Variants in C3orf70 observed in about 807,000 individuals in gnomAD.
C3orf70 encodes the protein chromosome 3 open reading frame 70.
A neutral mutation model predicts 20.7 loss-of-function variants in C3orf70; 15 were observed. The observed-to-expected ratio is 0.72, with a 90% confidence interval of 0.48 to 1.11. The LOEUF is 1.11. Among genes scored for constraint, C3orf70 ranks in the 50% most tolerant of loss-of-function variants. C3orf70 has a pLI of 0.00. For missense variants in C3orf70, 332 were observed against 317.6 expected, an observed-to-expected ratio of 1.05 and a Z score of -0.34; for synonymous variants, 161 against 125.7, an observed-to-expected ratio of 1.28 and a Z score of -1.88.
intron 1 of C3orf70, among the ~76,000 whole-genome samples, chr3:185,120,035 A>AAAAAGAAAAAG (rs1716264795): frequency 2.0e-5 from 3 of 149,282 alleles, no homozygotes; most frequent in Admixed American, 6.7e-5. Flanking sequence ...AAAAAAAAAA[A>AAAAAGAAAAAG]AAAGAAAAAG....
chr3:185,124,225 G>T (rs1716365212), intron 1 of C3orf70, among the ~76,000 whole-genome samples: 1 of 152,052 alleles, frequency 6.6e-6, no homozygotes, highest in Admixed American at 6.6e-5. Context: ...ATCCACGGGG[G>T]GATCCTGAAA....
intron 1 of C3orf70, among the ~76,000 whole-genome samples, chr3:185,091,959 ATATATTTT>A (rs1561331116): frequency 4.3e-4 from 3 of 7,028 alleles, no homozygotes; most frequent in African/African-American, 7.1e-4. Context: ...ATATATATAT[ATATATTTT>A]TTTTTTTTTT....
rs563579595 is a variant in C3orf70 at position 185,117,334 on chromosome 3, G to GT, written c.197-33772dup. On this transcript the variant is annotated intron_variant, in intron 1 of 1. Transcript: ENST00000335012. ...ATATATTTCCTCCAATTCAGTTATT[G>GT]TAAGATCTGTGAGAAATCTTTAGAA... Among the ~76,000 whole-genome samples the GT allele has an allele frequency of 2.0e-4, 29 of 145,470 alleles. No homozygotes were observed. In the South Asian group the frequency reaches 6.6e-3, roughly 33 times the overall value.
At chr3:185,136,909 AAACAACAAC>A (rs146226983) in intron 1 of C3orf70, among the ~76,000 whole-genome samples, 11,392 of 149,762 alleles carry the variant, frequency 0.076, 1,319 homozygotes, top group African/African-American at 0.25. Context: ...GACTGTCTCA[AAACAACAAC>A]AACAACAACA....
intron 1 of C3orf70, among the ~76,000 whole-genome samples, chr3:185,122,987 C>A (rs1437833677): frequency 6.7e-6 from 1 of 149,274 alleles, no homozygotes; most frequent in African/African-American, 2.5e-5. Flanking sequence ...GAAATCTCAT[C>A]TCTACTAAAA....
At chr3:185,094,141 G>C (rs998035546) in intron 1 of C3orf70, among the ~76,000 whole-genome samples, 3 of 118,510 alleles carry the variant, frequency 2.5e-5, no homozygotes, top group African/African-American at 9.8e-5. Context: ...ACAATGGCAT[G>C]ATCTGGGCTC....
chr3:185,111,104 A>G (rs191261536), intron 1 of C3orf70, among the ~76,000 whole-genome samples: 280 of 152,338 alleles, frequency 1.8e-3, no homozygotes, highest in African/African-American at 6.5e-3. Context: ...ACAAAAAGCA[A>G]CTCACAATGC....
At chr3:185,117,070 C>T (rs1716190448) in intron 1 of C3orf70, among the ~76,000 whole-genome samples, 1 of 152,140 alleles carries the variant, frequency 6.6e-6, no homozygotes, top group African/African-American at 2.4e-5. Context: ...CGTGAGCCAC[C>T]GCGCCCGGCC....
At chr3:185,106,886 T>C (rs1039977280) in intron 1 of C3orf70, among the ~76,000 whole-genome samples, 1 of 152,178 alleles carries the variant, frequency 6.6e-6, no homozygotes, top group African/African-American at 2.4e-5. Flanking sequence ...CAGATTACAA[T>C]GAGGAAATTC....
intron 1 of C3orf70, among the ~76,000 whole-genome samples, chr3:185,095,007 A>C (rs1331214866): frequency 6.6e-6 from 1 of 152,192 alleles, no homozygotes; most frequent in East Asian, 1.9e-4. Flanking sequence ...GGAAAGAGGC[A>C]TAAATAGGGG....
chr3:185,149,391 T>TC (rs745444260), intron 1 of C3orf70, among the ~76,000 whole-genome samples: 25 of 80,444 alleles, frequency 3.1e-4, no homozygotes, highest in Middle Eastern at 9.8e-3. Flanking sequence ...AAACTCTGTC[T>TC]CCCAAAAAAA....
chr3:185,139,646 A>C (rs1716710895), intron 1 of C3orf70, among the ~76,000 whole-genome samples: 1 of 152,166 alleles, frequency 6.6e-6, no homozygotes, highest in African/African-American at 2.4e-5. Context: ...AGAGACATGA[A>C]GACCAGAGGG....
At chr3:185,152,385 T>C (rs1479426534) in intron 1 of C3orf70, among the ~76,000 whole-genome samples, 1 of 152,118 alleles carries the variant, frequency 6.6e-6, no homozygotes, top group Non-Finnish European at 1.5e-5. Flanking sequence ...TTTGTAGAAG[T>C]AGCTAAAGAA....
In C3orf70 at chr3:185,077,789, T is replaced by TGGTGG. The variant is rs1553918668; in HGVS notation, c.*5217_*5218insCCACC. Among the ~76,000 whole-genome samples the TGGTGG allele has an allele frequency of 4.0e-5, 5 of 124,180 alleles. No individual in the cohort carries two copies. The highest frequency in any genetic ancestry group is 5.7e-4 in the South Asian group (2 of 3,514). 81.5% of individuals were successfully genotyped at this position (124,180 alleles called of 152,430 possible). A position where few individuals can be genotyped will look rare whatever the true frequency, so the allele number is the denominator to read the frequency against. Reference sequence around the variant, plus strand: ...TGAAATAAATGCTATTTGGTGGTGGTGGGGGGGGGGTATCAAGTTTTATTT... The same window carrying TGGTGG: ...TGAAATAAATGCTATTTGGTGGTGGTGGTGGGGGGGGGGGGTATCAAGTTTTATTT... On this transcript the variant is annotated 3_prime_UTR_variant, in exon 2 of 2. Transcript: ENST00000335012.
chr3:185,129,934 C>T (rs1416828202), intron 1 of C3orf70, among the ~76,000 whole-genome samples: 1 of 152,186 alleles, frequency 6.6e-6, no homozygotes, highest in Non-Finnish European at 1.5e-5. Flanking sequence ...AAGGTAATCA[C>T]TGACATTTTG....
intron 1 of C3orf70, among the ~76,000 whole-genome samples, chr3:185,110,921 C>T (rs952016741): frequency 3.9e-5 from 6 of 152,254 alleles, no homozygotes; most frequent in East Asian, 3.9e-4. Flanking sequence ...AATCTCTGTT[C>T]GGGCTCTCAG....
At chr3:185,125,896 T>C (rs761792484) in intron 1 of C3orf70, among the ~76,000 whole-genome samples, 6 of 152,206 alleles carry the variant, frequency 3.9e-5, no homozygotes, top group Non-Finnish European at 8.8e-5. Context: ...GGGGGTGAGA[T>C]GGGAATACAT....
At chr3:185,125,949 T>C (rs1716402640) in intron 1 of C3orf70, among the ~76,000 whole-genome samples, 1 of 152,184 alleles carries the variant, frequency 6.6e-6, no homozygotes, top group Non-Finnish European at 1.5e-5. Context: ...ATGATAGGAA[T>C]ATTCTGCACT....
At position 185,082,969 on chromosome 3, in the gene C3orf70, C is replaced by T. The variant is rs368971235; in HGVS notation, c.*38G>A. 1.9e-5 allele frequency: 30 copies of T among 1,574,288 alleles called. No individual in the cohort carries two copies. The highest frequency in any genetic ancestry group is 1.8e-4 in the East Asian group (8 of 44,524). ...TCCACCAGACAAAGGTACAAAAGCT[C>T]GGCGTGGGTCCGAGGCTGTGGCTTC... On this transcript the variant is annotated 3_prime_UTR_variant, in exon 2 of 2. Coordinates refer to ENST00000335012, the MANE Select transcript of C3orf70 (RefSeq NM_001025266.3).
Sources: allele counts gnomAD v4.1 joint callset (sites outside exome capture counted in the v4.1 genomes callset), GRCh38; gene constraint gnomAD v4.1.1; transcripts MANE v1.5; gene names NCBI Gene and HGNC (gene_info 2026-07-23, HGNC 2026-07-21).